The following PARD3B variants were observed in gnomAD, a reference collection of about 807,000 sequenced individuals.
The protein encoded by PARD3B is partitioning defective 3 homolog B.
In PARD3B, 103 loss-of-function variants were observed where a neutral mutation model predicts 130.2. The observed-to-expected ratio is 0.79, with a 90% CI of 0.67 to 0.93. The LOEUF is 0.93. PARD3B is among the 40% of genes least tolerant of loss of function. The pLI, the probability that PARD3B is intolerant of heterozygous loss-of-function variation, is 0.00. For missense variants in PARD3B, 1,609 were observed against 1,499.2 expected (o/e 1.07, Z -1.21); for synonymous variants, 583 against 553.2 (o/e 1.05, Z -0.76).
At chr2:204,990,374 C>T (rs1449564280) in intron 3 of PARD3B, among the ~76,000 whole-genome samples, 2 of 151,878 alleles carry the variant, frequency 1.3e-5, no homozygotes, top group East Asian at 3.9e-4. Flanking sequence ...TCACCTCAAA[C>T]ATATCATGTT....
intron 3 of PARD3B, among the ~76,000 whole-genome samples, chr2:205,041,423 T>C (rs115955602): frequency 0.018 from 2,731 of 152,270 alleles, 32 homozygotes; most frequent in Non-Finnish European, 0.026. Context: ...GGTGTCTGTT[T>C]TATGCTCCTT....
At chr2:205,391,031 G>A (rs951264410) in intron 18 of PARD3B, among the ~76,000 whole-genome samples, 1 of 152,186 alleles carries the variant, frequency 6.6e-6, no homozygotes, top group Non-Finnish European at 1.5e-5. Flanking sequence ...GCTGTTTCCT[G>A]TGGGGACCAT....
At chr2:205,029,384 C>T (rs1391053012) in intron 3 of PARD3B, among the ~76,000 whole-genome samples, 1 of 152,120 alleles carries the variant, frequency 6.6e-6, no homozygotes, top group African/African-American at 2.4e-5. Context: ...TTCCTTTGCT[C>T]TACCTCATCC....
intron 15 of PARD3B, among the ~76,000 whole-genome samples, chr2:205,242,871 A>G (rs985971522): frequency 6.6e-6 from 1 of 152,164 alleles, no homozygotes; most frequent in Non-Finnish European, 1.5e-5. Flanking sequence ...AACTAAAGCT[A>G]AAAAGAACTT....
At chr2:205,484,825 T>C (rs1439413096) in intron 20 of PARD3B, among the ~76,000 whole-genome samples, 2 of 152,216 alleles carry the variant, frequency 1.3e-5, no homozygotes, top group African/African-American at 2.4e-5. Flanking sequence ...AAAGGCATAA[T>C]TGACATCATG....
intron 10 of PARD3B, among the ~76,000 whole-genome samples, chr2:205,150,211 C>CTCTG (rs2033647651): frequency 7.5e-6 from 1 of 134,184 alleles, no homozygotes; most frequent in Non-Finnish European, 1.6e-5. Context: ...CAGCCAGGCT[C>CTCTG]TGTGTGTGTG....
intron 2 of PARD3B, among the ~76,000 whole-genome samples, chr2:204,962,961 G>C (rs1051595560): frequency 2.1e-5 from 3 of 146,178 alleles, no homozygotes; most frequent in African/African-American, 8.4e-5. Flanking sequence ...GAAAAGTTAC[G>C]TTTTGCCTGT....
At chr2:205,518,943 C>T (rs1032608139) in intron 21 of PARD3B, among the ~76,000 whole-genome samples, 1 of 152,106 alleles carries the variant, frequency 6.6e-6, no homozygotes, top group Non-Finnish European at 1.5e-5. Flanking sequence ...GGATTTCAGC[C>T]GAGAGGTCTG....
intron 2 of PARD3B, among the ~76,000 whole-genome samples, chr2:204,808,476 T>A (rs1575036502): frequency 6.6e-6 from 1 of 152,078 alleles, no homozygotes; most frequent in African/African-American, 2.4e-5. Flanking sequence ...TTTTTTCTGA[T>A]CCTCTCCCTC....
intron 1 of PARD3B, among the ~76,000 whole-genome samples, chr2:204,681,742 T>C (rs942359157): frequency 6.6e-6 from 1 of 152,192 alleles, no homozygotes; most frequent in Non-Finnish European, 1.5e-5. Flanking sequence ...ACATGCTCTG[T>C]CACCTTCTCC....
At chr2:205,422,032 C>T (rs777228445) in intron 19 of PARD3B, among the ~76,000 whole-genome samples, 1 of 152,132 alleles carries the variant, frequency 6.6e-6, no homozygotes, top group Non-Finnish European at 1.5e-5. Context: ...ATGAAGATTC[C>T]ATTCTTGTAA....
At chr2:204,719,014 C>G (rs1290674530) in intron 2 of PARD3B, among the ~76,000 whole-genome samples, 1 of 152,134 alleles carries the variant, frequency 6.6e-6, no homozygotes, top group African/African-American at 2.4e-5. Flanking sequence ...GAATAAAATA[C>G]ACATTGGGAG....
chr2:204,591,713 C>T (rs1010842984), intron 1 of PARD3B, among the ~76,000 whole-genome samples: 27 of 152,090 alleles, frequency 1.8e-4, no homozygotes, highest in African/African-American at 5.1e-4. Context: ...AAAAATAATT[C>T]GCCTGAATTT....
chr2:204,554,880 G>A (rs749991237), intron 1 of PARD3B, among the ~76,000 whole-genome samples: 8 of 152,172 alleles, frequency 5.3e-5, no homozygotes, highest in Non-Finnish European at 1.2e-4. Flanking sequence ...GGCCTTGGCT[G>A]GTGGCATCTG....
chr2:204,683,783 A>T (rs1447797339), intron 1 of PARD3B, among the ~76,000 whole-genome samples: 1 of 152,174 alleles, frequency 6.6e-6, no homozygotes, highest in Non-Finnish European at 1.5e-5. Context: ...TAGGGAGTTC[A>T]AATTGTAGTC....
chr2:205,191,669 T>A (rs2036404164), intron 14 of PARD3B, among the ~76,000 whole-genome samples: 1 of 152,224 alleles, frequency 6.6e-6, no homozygotes, highest in African/African-American at 2.4e-5. Flanking sequence ...AAATCTTCAC[T>A]CATTCTATTC....
At chr2:205,521,406 C>T (rs2051048997) in intron 21 of PARD3B, among the ~76,000 whole-genome samples, 1 of 151,936 alleles carries the variant, frequency 6.6e-6, no homozygotes, top group South Asian at 2.1e-4. Flanking sequence ...AAATTTCATT[C>T]AGGGTTTTTT....
At position 205,125,487 on chromosome 2, in the gene PARD3B, C is replaced by T; in HGVS notation, c.1306-122C>T. 8.9e-7 allele frequency: 1 copy of T among 1,124,718 alleles called. No homozygotes were observed. The highest frequency in any genetic ancestry group is 2.4e-5 in the East Asian group (1 of 40,994). The allele number at this position is 1,124,718 out of a possible 1,614,324, so 69.7% of individuals were successfully genotyped here. A position where few individuals can be genotyped will look rare whatever the true frequency, so the allele number is the denominator to read the frequency against. ...GGGTTTTGCCCATGTATTTAGTTAT[C>T]ATCTTTTCAGAGCTTCCTCAAGTAT... On this transcript the variant is annotated intron_variant, in intron 9 of 22. Transcript: ENST00000406610. This position sits in a 1 kb window ranked among gnomAD's most constrained non-coding sequence, Gnocchi z 4.0.
At chr2:204,783,531 C>T (rs1464872224) in intron 2 of PARD3B, among the ~76,000 whole-genome samples, 1 of 152,082 alleles carries the variant, frequency 6.6e-6, no homozygotes, top group Non-Finnish European at 1.5e-5. Flanking sequence ...AGAATTCAGT[C>T]CAAAACACAG....
Sources: gnomAD v4.1 joint callset for allele counts (sites outside exome capture counted in the v4.1 genomes callset) on GRCh38, gnomAD v4.1.1 for gene constraint, Gnocchi (gnomAD v3.1) non-coding constraint, MANE v1.5 for transcripts, NCBI Gene and HGNC (gene_info 2026-07-23, HGNC 2026-07-21) for gene names.